Variants in ZBTB7C observed in about 807,000 individuals in gnomAD.
The protein encoded by ZBTB7C is zinc finger and BTB domain containing 7C, also known as zinc finger and BTB domain-containing protein 7C.
In ZBTB7C, 8 loss-of-function variants were observed where a neutral mutation model predicts 25.7. That is an observed-to-expected ratio of 0.31 (90% CI 0.18 to 0.56). The LOEUF is 0.56. ZBTB7C is among the 20% of genes least tolerant of loss of function. The pLI is 0.91. For missense variants in ZBTB7C, 824 were observed against 855.2 expected (o/e 0.96, Z 0.46); for synonymous variants, 394 against 369.0 (o/e 1.07, Z -0.78).
At chr18:48,054,215 G>C (rs2036820331) in intron 3 of ZBTB7C, among the ~76,000 whole-genome samples, 1 of 152,168 alleles carries the variant, frequency 6.6e-6, no homozygotes, top group Admixed American at 6.5e-5. Context: ...GATAGGAGAA[G>C]AATCTCTTGG....
chr18:48,168,383 T>TA (rs2041344157), intron 3 of ZBTB7C, among the ~76,000 whole-genome samples: 2 of 152,320 alleles, frequency 1.3e-5, no homozygotes, highest in South Asian at 4.1e-4. Flanking sequence ...CCACAAGTTA[T>TA]AAGGGGGAAA....
intron 2 of ZBTB7C, among the ~76,000 whole-genome samples, chr18:48,247,513 TC>T (rs2043727902): frequency 6.6e-6 from 1 of 152,226 alleles, no homozygotes; most frequent in Non-Finnish European, 1.5e-5. Flanking sequence ...CTTTGTGGCT[TC>T]CCATCTCCCT....
chr18:48,386,961 G>A (rs772814549), intron 1 of ZBTB7C, among the ~76,000 whole-genome samples: 2 of 152,128 alleles, frequency 1.3e-5, no homozygotes, highest in African/African-American at 2.4e-5. Flanking sequence ...CTCACTCCAC[G>A]GTGCTATAGG....
intron 3 of ZBTB7C, among the ~76,000 whole-genome samples, chr18:48,110,419 C>G (rs1290925181): frequency 6.6e-6 from 1 of 152,190 alleles, no homozygotes; most frequent in Non-Finnish European, 1.5e-5. Flanking sequence ...GAGGCATGAT[C>G]TTTAGGGAGC....
chr18:48,142,968 C>T (rs941030700), intron 3 of ZBTB7C, among the ~76,000 whole-genome samples: 1 of 152,174 alleles, frequency 6.6e-6, no homozygotes, highest in Non-Finnish European at 1.5e-5. Context: ...AAGTGGTGAA[C>T]AATCCACGTG....
intron 4 of ZBTB7C, among the ~76,000 whole-genome samples, chr18:48,031,902 A>G (rs960573757): frequency 1.3e-5 from 2 of 152,042 alleles, no homozygotes; most frequent in Non-Finnish European, 2.9e-5. Flanking sequence ...GGGTGCCTGT[A>G]CCCCTGGAGT....
intron 2 of ZBTB7C, among the ~76,000 whole-genome samples, chr18:48,259,910 T>C (rs141795117): frequency 5.8e-4 from 88 of 152,330 alleles, no homozygotes; most frequent in Non-Finnish European, 1.1e-3. Context: ...ATATCACTGA[T>C]AGGAATGGAA....
chr18:48,393,123 T>C (rs570508976), intron 1 of ZBTB7C, among the ~76,000 whole-genome samples: 11 of 152,284 alleles, frequency 7.2e-5, no homozygotes, highest in East Asian at 3.9e-4. Context: ...GAACTCTTAA[T>C]AACCAGGGAG....
chr18:48,389,228 CTCTCTCTCGTGTGTGTGT>C (rs1386082844), intron 1 of ZBTB7C, among the ~76,000 whole-genome samples: 20 of 94,166 alleles, frequency 2.1e-4, no homozygotes, highest in African/African-American at 4.2e-4. Context: ...CTCTCTCTCT[CTCTCTCTCGTGTGTGTGT>C]GTGTGTGTGT....
intron 2 of ZBTB7C, among the ~76,000 whole-genome samples, chr18:48,308,478 C>A (rs1015184888): frequency 1.3e-5 from 2 of 152,332 alleles, no homozygotes; most frequent in East Asian, 1.9e-4. Context: ...CATCCCGAGT[C>A]TCCTGCCAGC....
chr18:48,070,335 T>C (rs2037497184), intron 3 of ZBTB7C, among the ~76,000 whole-genome samples: 1 of 152,204 alleles, frequency 6.6e-6, no homozygotes, highest in Non-Finnish European at 1.5e-5. Context: ...ACCAAAGCTT[T>C]GAAGCCTGAA....
At chr18:48,318,336 C>T (rs78042114) in intron 2 of ZBTB7C, among the ~76,000 whole-genome samples, 1,853 of 152,304 alleles carry the variant, frequency 0.012, 34 homozygotes, top group African/African-American at 0.04. Flanking sequence ...TCCTCCCCTG[C>T]CCCCATCCCT....
intron 2 of ZBTB7C, among the ~76,000 whole-genome samples, chr18:48,211,267 G>A (rs1469077899): frequency 6.6e-6 from 1 of 152,136 alleles, no homozygotes; most frequent in African/African-American, 2.4e-5. Flanking sequence ...AAACCTAGAT[G>A]ACCTTGTGTA....
chr18:48,369,855 A>G (rs1437137022), intron 1 of ZBTB7C, among the ~76,000 whole-genome samples: 1 of 152,214 alleles, frequency 6.6e-6, no homozygotes, highest in Non-Finnish European at 1.5e-5. Flanking sequence ...ACAATCAGCA[A>G]GCATACAGAA....
chr18:48,070,597 A>G (rs1354730324), intron 3 of ZBTB7C, among the ~76,000 whole-genome samples: 1 of 152,174 alleles, frequency 6.6e-6, no homozygotes, highest in Non-Finnish European at 1.5e-5. Context: ...GAAATCCCCC[A>G]TCTGAAACAG....
Position 48,285,817 on chromosome 18 carries a change from G to A in ZBTB7C, c.-79+52357C>T, listed in dbSNP as rs140741770. On this transcript the variant is annotated intron_variant, in intron 2 of 4. Transcript: ENST00000590800. ...TCAGCTTGGGGTTCCATTTTTTCAA[G>A]GGCAATTTTTTTTATTTTTGTTTTT... 2.0e-5 allele frequency among the ~76,000 whole-genome samples: 3 copies of A among 152,172 alleles called. No homozygotes were observed. In the East Asian group the frequency reaches 5.8e-4, roughly 29 times the overall value.
At chr18:48,253,458 G>A (rs565594305) in intron 2 of ZBTB7C, among the ~76,000 whole-genome samples, 44 of 152,240 alleles carry the variant, frequency 2.9e-4, no homozygotes, top group African/African-American at 1.0e-3. Context: ...GTGCTTGAGA[G>A]ATGAGAAAAA....
chr18:48,143,907 C>G (rs964084300), intron 3 of ZBTB7C, among the ~76,000 whole-genome samples: 4 of 152,182 alleles, frequency 2.6e-5, no homozygotes. Context: ...GAACCCGGAT[C>G]CCTCTCCCCT....
chr18:48,396,509 A>T (rs747495773), intron 1 of ZBTB7C, among the ~76,000 whole-genome samples: 3 of 152,258 alleles, frequency 2.0e-5, no homozygotes, highest in Non-Finnish European at 4.4e-5. Flanking sequence ...AGTCAGAGAC[A>T]TAGGAGGGCT....
Sources: gnomAD v4.1 joint callset for allele counts (sites outside exome capture counted in the v4.1 genomes callset) on GRCh38, gnomAD v4.1.1 for gene constraint, MANE v1.5 for transcripts, NCBI Gene and HGNC (gene_info 2026-07-23, HGNC 2026-07-21) for gene names.